Variants in REC114 observed in about 807,000 individuals in gnomAD.
The protein encoded by REC114 is REC114 meiotic recombination protein.
A neutral mutation model predicts 31.3 loss-of-function variants in REC114; 27 were observed. That is an observed-to-expected ratio of 0.86 (90% confidence interval 0.64 to 1.19). The LOEUF is 1.19. REC114 is among the 50% of genes most tolerant of loss of function. The pLI is 0.00. For synonymous variants in REC114, 134 were observed against 127.7 expected (o/e 1.05, Z -0.33); for missense variants, 344 against 326.9 (o/e 1.05, Z -0.40).
intron 2 of REC114, among the ~76,000 whole-genome samples, chr15:73,533,608 G>A (rs1894115810): frequency 6.6e-6 from 1 of 151,226 alleles, no homozygotes; most frequent in African/African-American, 2.4e-5. Flanking sequence ...ACACCCCAAT[G>A]TCAACATTAG....
chr15:73,487,592 G>A (rs1893387841), intron 2 of REC114, among the ~76,000 whole-genome samples: 3 of 152,208 alleles, frequency 2.0e-5, no homozygotes, highest in Non-Finnish European at 2.9e-5. Context: ...ACACTGGGGT[G>A]GAGTTGGGCT....
intron 2 of REC114, among the ~76,000 whole-genome samples, chr15:73,480,739 A>G (rs1440414743): frequency 6.6e-6 from 1 of 152,120 alleles, no homozygotes; most frequent in African/African-American, 2.4e-5. Context: ...ATGCAGTGGT[A>G]TGATCTCAGC....
At chr15:73,494,760 A>G (rs1893495415) in intron 2 of REC114, among the ~76,000 whole-genome samples, 1 of 152,182 alleles carries the variant, frequency 6.6e-6, no homozygotes, top group Non-Finnish European at 1.5e-5. Context: ...TAAATAATTC[A>G]CTTTCTATAG....
chr15:73,487,781 A>G (rs1893391132), intron 2 of REC114, among the ~76,000 whole-genome samples: 1 of 152,212 alleles, frequency 6.6e-6, no homozygotes, highest in Non-Finnish European at 1.5e-5. Context: ...ACATTGCCCT[A>G]ATAGGGAGTC....
intron 1 of REC114, among the ~76,000 whole-genome samples, chr15:73,453,868 A>G (rs1892883554): frequency 6.6e-6 from 1 of 151,910 alleles, no homozygotes; most frequent in African/African-American, 2.4e-5. Flanking sequence ...CTAACACAAG[A>G]ACAGAAAACC....
chr15:73,496,886 T>A (rs1277820631), intron 2 of REC114, among the ~76,000 whole-genome samples: 1 of 152,054 alleles, frequency 6.6e-6, no homozygotes, highest in Non-Finnish European at 1.5e-5. Flanking sequence ...AGTTTTTATG[T>A]CTTCTTGGGT....
At chr15:73,478,740 T>C (rs1893251608) in intron 2 of REC114, among the ~76,000 whole-genome samples, 1 of 152,242 alleles carries the variant, frequency 6.6e-6, no homozygotes, top group Admixed American at 6.5e-5. Context: ...CTCTCATCAA[T>C]GTTTTGTAGT....
chr15:73,549,390 G>A (rs1894357538), intron 3 of REC114, among the ~76,000 whole-genome samples: 1 of 152,074 alleles, frequency 6.6e-6, no homozygotes, highest in Admixed American at 6.5e-5. Context: ...GATGGTTAAT[G>A]GGTCCAAAAA....
Position 73,514,218 on chromosome 15 carries a change from C to G in REC114, c.250-26267C>G, listed in dbSNP as rs562649424. Among the ~76,000 whole-genome samples, 108 of 151,292 alleles carry G rather than the reference C, an allele frequency of 7.1e-4. 2 individuals are homozygous for G. The East Asian group carries it at 0.02, about 28-fold the overall frequency. On this transcript the variant is annotated intron_variant, in intron 2 of 5. Transcript: ENST00000331090. The stretch of plus-strand genomic sequence containing the variant: ...AGTGACCCGATTTTCCAGGTGCGTC[C>G]GTCACCCCTTTCTTTGACTCGGAAA...
intron 2 of REC114, among the ~76,000 whole-genome samples, chr15:73,493,604 C>T (rs1265322962): frequency 6.6e-6 from 1 of 152,044 alleles, no homozygotes; most frequent in African/African-American, 2.4e-5. Flanking sequence ...ACCTCACTGT[C>T]CTTAGAAACT....
chr15:73,500,987 T>C (rs905571547), intron 2 of REC114, among the ~76,000 whole-genome samples: 1 of 152,186 alleles, frequency 6.6e-6, no homozygotes, highest in Non-Finnish European at 1.5e-5. Context: ...TCTGGCTTAC[T>C]ACCCACTTAA....
intron 2 of REC114, among the ~76,000 whole-genome samples, chr15:73,482,435 C>T (rs564677438): frequency 1.3e-5 from 2 of 152,310 alleles, no homozygotes; most frequent in African/African-American, 2.4e-5. Context: ...TTGGGAGCTT[C>T]CGAGGCCTCA....
At chr15:73,519,788 T>C (rs568795605) in intron 2 of REC114, among the ~76,000 whole-genome samples, 57 of 152,360 alleles carry the variant, frequency 3.7e-4, no homozygotes, top group African/African-American at 1.3e-3. Context: ...TGGAATATTA[T>C]TTATCCTTAC....
intron 2 of REC114, among the ~76,000 whole-genome samples, chr15:73,487,734 G>T (rs1293751370): frequency 6.6e-6 from 1 of 152,186 alleles, no homozygotes; most frequent in African/African-American, 2.4e-5. Context: ...ACAGTTGTGA[G>T]ATCTCAGGAG....
intron 4 of REC114, among the ~76,000 whole-genome samples, chr15:73,554,940 AGAG>A (rs1410908648): frequency 6.6e-6 from 1 of 152,372 alleles, no homozygotes; most frequent in Non-Finnish European, 1.5e-5. Context: ...TTGTTTTTAC[AGAG>A]GAGAAAACTG....
intron 1 of REC114, among the ~76,000 whole-genome samples, chr15:73,455,221 G>A (rs2151252392): frequency 6.6e-6 from 1 of 152,204 alleles, no homozygotes; most frequent in South Asian, 2.1e-4. Context: ...CTAAAGAACT[G>A]TACTCTCTAA....
At chr15:73,551,440 T>G (rs1894391635) in intron 4 of REC114, among the ~76,000 whole-genome samples, 1 of 152,106 alleles carries the variant, frequency 6.6e-6, no homozygotes, top group Non-Finnish European at 1.5e-5. Flanking sequence ...AAGGTCAAAA[T>G]TATTTTTCTT....
chr15:73,472,630 A>G (rs1893147506), intron 1 of REC114, among the ~76,000 whole-genome samples: 1 of 152,142 alleles, frequency 6.6e-6, no homozygotes, highest in African/African-American at 2.4e-5. Flanking sequence ...TGTTTACCTT[A>G]CGGTGTTTAT....
intron 5 of REC114, among the ~76,000 whole-genome samples, chr15:73,558,396 T>C (rs1472940077): frequency 2.0e-5 from 3 of 152,212 alleles, no homozygotes; most frequent in African/African-American, 7.2e-5. Flanking sequence ...ATCATCGTCA[T>C]GTGGGACTGT....
Sources: allele counts gnomAD v4.1 joint callset (sites outside exome capture counted in the v4.1 genomes callset), GRCh38; gene constraint gnomAD v4.1.1; transcripts MANE v1.5; gene names NCBI Gene and HGNC (gene_info 2026-07-23, HGNC 2026-07-21).